The following SLC38A10 variants were observed in gnomAD, a reference collection of about 807,000 sequenced individuals.
SLC38A10 encodes solute carrier family 38 member 10, also known as Sodium-coupled neutral amino acid transporter 10.
A neutral mutation model predicts 81.0 loss-of-function variants in SLC38A10; 53 were observed. The ratio of observed to expected loss-of-function variants is 0.65; its 90% CI spans 0.53 to 0.82. The LOEUF (loss-of-function observed/expected upper bound fraction) is 0.82, where lower values mean the gene tolerates loss of function less well. SLC38A10 is among the 40% of genes least tolerant of loss of function. The pLI is 0.00. For synonymous variants in SLC38A10, 665 were observed against 655.3 expected (o/e 1.01, Z -0.23); for missense variants, 1,471 against 1,545.0 (o/e 0.95, Z 0.80).
At chr17:81,271,867 C>T (rs1446675932) in intron 9 of SLC38A10, among the ~76,000 whole-genome samples, 6 of 151,000 alleles carry the variant, frequency 4.0e-5, no homozygotes, top group African/African-American at 1.5e-4. Flanking sequence ...GCTGGGACTA[C>T]AGGCACCCGC....
At position 81,246,867 on chromosome 17, in the gene SLC38A10, T is replaced by C; in HGVS notation, c.2242+18A>G. 1 of 1,569,690 alleles carries C rather than the reference T, an allele frequency of 6.4e-7. No homozygotes were observed. The highest frequency in any genetic ancestry group is 1.2e-5 in the South Asian group (1 of 86,808). ...CCCTGCCTGGCCCCACCCCACTCCATCCGCCAGCCCGGCCTACCCTGCCTG... is the reference window on the plus strand; with the variant it reads ...CCCTGCCTGGCCCCACCCCACTCCACCCGCCAGCCCGGCCTACCCTGCCTG... On this transcript the variant is annotated intron_variant, in intron 15 of 15. Transcript: ENST00000374759.
In SLC38A10 at chr17:81,289,695, G is replaced by A. The variant is rs754431711; in HGVS notation, c.213C>T (p.Gly71=). Residue 71 remains glycine, a synonymous_variant, in exon 2 of 16, where the codon GGC becomes GGT. Transcript: ENST00000374759. The surrounding 1 kb of genome is among the most constrained non-coding windows in gnomAD (Gnocchi z 5.9). The part of the protein sequence containing the change: ...ASLSKRRTYA[G]LAFHAYGKAG... ...CTTGTGGAGAGGGCGCCTCACCCAGGCCGGCGTAGGTCCTCCGCTTGCTCA... is the reference window on the plus strand; with the variant it reads ...CTTGTGGAGAGGGCGCCTCACCCAGACCGGCGTAGGTCCTCCGCTTGCTCA... 2 of 1,606,996 alleles carry A rather than the reference G, an allele frequency of 1.2e-6. No individual in the cohort carries two copies. The highest frequency in any genetic ancestry group is 1.3e-5 in the African/African-American group (1 of 74,702).
At chr17:81,284,795 C>T in intron 3 of SLC38A10, 55 bp downstream of exon 3, 2 of 1,417,228 alleles carry the variant, frequency 1.4e-6, no homozygotes, top group Admixed American at 2.6e-5. Flanking sequence ...CGGGAGGGTC[C>T]CCAGTGTCTG....
intron 14 of SLC38A10, among the ~76,000 whole-genome samples, chr17:81,249,139 CA>C (rs1248362237): frequency 7.0e-6 from 1 of 143,670 alleles, no homozygotes; most frequent in Non-Finnish European, 1.5e-5. Context: ...ACTTGCTCCT[CA>C]AAGGACTAGC....
At chr17:81,248,020 C>G (rs1294736176) in intron 14 of SLC38A10, among the ~76,000 whole-genome samples, 2 of 134,596 alleles carry the variant, frequency 1.5e-5, no homozygotes, top group Admixed American at 8.3e-5. Context: ...TGCAGTGGCG[C>G]GATCTCAGCT....
intron 2 of SLC38A10, chr17:81,285,299 C>A (rs1450746743): frequency 5.8e-6 from 1 of 172,550 alleles, no homozygotes; most frequent in African/African-American, 2.4e-5. Flanking sequence ...CAGTGCCGGT[C>A]CCAGGTACCC....
intron 13 of SLC38A10, 90 bp from the exon 14 acceptor site, chr17:81,251,702 A>C: frequency 1.5e-6 from 2 of 1,355,174 alleles, no homozygotes; most frequent in Non-Finnish European, 1.9e-6. Flanking sequence ...GGCGGGACAA[A>C]AGGAAGTGGC....
In SLC38A10 at chr17:81,270,998, C is replaced by T. The variant is rs369477188; in HGVS notation, c.1051G>A (p.Ala351Thr). 1.2e-5 allele frequency: 19 copies of T among 1,613,298 alleles called. No individual in the cohort carries two copies. Among genetic ancestry groups the T allele is most frequent in the Non-Finnish European group, 8.5e-7 (1 of 1,180,012 alleles). Residue 351 changes from alanine to threonine, a missense_variant, in exon 10 of 16, where the codon GCG becomes ACG. This residue lies in a region of SLC38A10 where 720 missense variants were observed against 827.7 expected (regional missense o/e 0.87). Transcript: ENST00000374759. This position sits in a 1 kb window ranked among gnomAD's most constrained non-coding sequence, Gnocchi z 4.0. ...NVETILGLTGATMGSLICFIC... is the reference protein window; with the variant it reads ...NVETILGLTGTTMGSLICFIC... ...AAGCAGATGAGGCTTCCCATGGTCG[C>T]TCCTGTGAGGCCCAGGATGGTCTCC...
intron 14 of SLC38A10, 31 bp from the exon 15 acceptor site, chr17:81,247,092 C>A (rs758709110): frequency 1.3e-6 from 2 of 1,553,972 alleles, no homozygotes; most frequent in Non-Finnish European, 1.7e-6. Flanking sequence ...GTCAGAGTGC[C>A]CGGGCTGCTC....
intron 3 of SLC38A10, among the ~76,000 whole-genome samples, chr17:81,284,383 T>A (rs1567947101): frequency 6.6e-6 from 1 of 152,084 alleles, no homozygotes; most frequent in Non-Finnish European, 1.5e-5. Flanking sequence ...AGCCCCACGA[T>A]GTTAGTCAAG....
At chr17:81,287,601 G>A (rs1294555767) in intron 2 of SLC38A10, among the ~76,000 whole-genome samples, 1 of 152,226 alleles carries the variant, frequency 6.6e-6, no homozygotes, top group African/African-American at 2.4e-5. Context: ...CACACTTGGT[G>A]TTTTGGAATC....
At chr17:81,263,901 AGC>A in intron 10 of SLC38A10, 1 of 152,860 alleles carries the variant, frequency 6.5e-6, no homozygotes. Flanking sequence ...CGGACCCAGC[AGC>A]AGCAGCGGGC....
chr17:81,251,667 G>T, intron 13 of SLC38A10, 55 bp from the exon 14 acceptor site: 7 of 1,449,726 alleles, frequency 4.8e-6, no homozygotes, highest in Non-Finnish European at 4.5e-6. Flanking sequence ...GGGAGGGTTT[G>T]GGGGGTTGGG....
At position 81,294,978 on chromosome 17, in the gene SLC38A10, G is replaced by A. The variant is rs2063337474; in HGVS notation, c.-57C>T. 1 of 1,519,744 alleles carries A rather than the reference G, an allele frequency of 6.6e-7. No individual in the cohort carries two copies. The highest frequency in any genetic ancestry group is 2.6e-5 in the East Asian group (1 of 37,836). The allele number at this position is 1,519,744 out of a possible 1,614,324, so 94.1% of individuals were successfully genotyped here. On this transcript the variant is annotated 5_prime_UTR_variant, in exon 1 of 16. Transcript: ENST00000374759. The stretch of plus-strand genomic sequence containing the variant: ...CCTCGGGGGTCGCCGGGCTGCGGCC[G>A]GCTTTGGAAGCCCAGCCCGAGGCCA...
intron 11 of SLC38A10, among the ~76,000 whole-genome samples, chr17:81,257,777 G>T (rs989338476): frequency 6.6e-6 from 1 of 152,258 alleles, no homozygotes; most frequent in African/African-American, 2.4e-5. Context: ...TTTTCCCACG[G>T]AGCGGAAGTG....
Position 81,246,928 on chromosome 17 carries a change from G to A in SLC38A10, c.2199C>T (p.Ile733=). ...CCTCGTCCTCCTGCCTCTGCTGGTGGATCTCCTTGTGCTGCTCCTCGATCA... is the reference window on the plus strand; with the variant it reads ...CCTCGTCCTCCTGCCTCTGCTGGTGAATCTCCTTGTGCTGCTCCTCGATCA... ...LAVIEEQHKE[I]HQQRQEDEED... Residue 733 remains isoleucine (I), a synonymous_variant, in exon 15 of 16, where the codon ATC becomes ATT. Coordinates refer to ENST00000374759, the MANE Select transcript of SLC38A10 (RefSeq NM_001037984.3). 1 of 1,606,182 alleles carries A rather than the reference G, an allele frequency of 6.2e-7. No individual in the cohort carries two copies.
At chr17:81,268,437 G>C (rs1244117093) in intron 10 of SLC38A10, among the ~76,000 whole-genome samples, 2 of 145,558 alleles carry the variant, frequency 1.4e-5, no homozygotes, top group Non-Finnish European at 3.0e-5. Context: ...GGAGTCTTTT[G>C]CTCTGTTGCC....
At chr17:81,262,609 C>A (rs1254203488) in intron 10 of SLC38A10, among the ~76,000 whole-genome samples, 1 of 152,198 alleles carries the variant, frequency 6.6e-6, no homozygotes, top group African/African-American at 2.4e-5. Flanking sequence ...CACCAACACG[C>A]TAATTACGGG....
chr17:81,245,808 C>T lies in SLC38A10; in HGVS notation c.3108G>A (p.Lys1036=). 6.2e-7 allele frequency: 1 copy of T among 1,608,226 alleles called. No homozygotes were observed. ...CCTGCAGTTTCAGGTCCCGGTTGGGCTTGGCATTGTCCGGCCTCTGGCCCC... is the reference window on the plus strand; with the variant it reads ...CCTGCAGTTTCAGGTCCCGGTTGGGTTTGGCATTGTCCGGCCTCTGGCCCC... The part of the protein sequence containing the change: ...VPGGQRPDNA[K]PNRDLKLQAG... Residue 1036 remains lysine, a synonymous_variant, in exon 16 of 16, where the codon AAG becomes AAA. Transcript: ENST00000374759.
Sources: gnomAD v4.1 joint callset for allele counts (sites outside exome capture counted in the v4.1 genomes callset) on GRCh38, gnomAD v4.1.1 for gene constraint, gnomAD v4.1.1 regional missense constraint, Gnocchi (gnomAD v3.1) non-coding constraint, MANE v1.5 for transcripts, NCBI Gene and HGNC (gene_info 2026-07-23, HGNC 2026-07-21) for gene names.